Variants in SUMF1 observed in about 807,000 individuals in gnomAD.
The protein encoded by SUMF1 is sulfatase modifying factor 1.
Under a neutral mutation model 47.6 loss-of-function variants are expected in SUMF1, and 48 were observed. The observed-to-expected ratio is 1.01, with a 90% CI of 0.80 to 1.28. The LOEUF (loss-of-function observed/expected upper bound fraction) is 1.28. Ranked by LOEUF, SUMF1 falls within the 50% of genes most tolerant of loss-of-function variation. SUMF1 has a pLI of 0.00. For missense variants in SUMF1, 571 were observed against 485.4 expected (o/e 1.18, Z -1.66); for synonymous variants, 230 against 192.1 (o/e 1.20, Z -1.63).
intron 3 of SUMF1, among the ~76,000 whole-genome samples, chr3:4,437,920 C>T (rs1559299629): frequency 1.3e-5 from 2 of 151,832 alleles, no homozygotes; most frequent in Admixed American, 6.6e-5. Context: ...GCCTGGGCAA[C>T]AGGGCAAGAC....
At chr3:4,107,555 C>G (rs1034620993) in intron 8 of SUMF1, among the ~76,000 whole-genome samples, 1 of 152,130 alleles carries the variant, frequency 6.6e-6, no homozygotes, top group African/African-American at 2.4e-5. Context: ...AAAGGACTCT[C>G]TTCGTTGTAA....
At chr3:4,191,989 T>G (rs1288261707) in intron 8 of SUMF1, among the ~76,000 whole-genome samples, 1 of 151,842 alleles carries the variant, frequency 6.6e-6, no homozygotes, top group Non-Finnish European at 1.5e-5. Flanking sequence ...AGAGAGGAGG[T>G]GATGTTTAGC....
rs188573691 is a variant in SUMF1 at position 4,146,263 on chromosome 3, G to C, written c.1015-77518C>G. Among the ~76,000 whole-genome samples, 174 of 152,182 alleles carry C rather than the reference G, an allele frequency of 1.1e-3. 1 individual carries two copies. Among genetic ancestry groups the C allele is most frequent in the African/African-American group, 3.7e-3 (154 of 41,494 alleles). On this transcript the variant is annotated intron_variant and NMD_transcript_variant, in intron 8 of 12. Transcript: ENST00000448413. ...GGGAAGGCAATGATTAAAACGTGCAGAAATGAAGGGAGATGGTAAGAACAG... is the reference window on the plus strand; with the variant it reads ...GGGAAGGCAATGATTAAAACGTGCACAAATGAAGGGAGATGGTAAGAACAG...
At chr3:4,409,916 T>C (rs966210810) in intron 7 of SUMF1, among the ~76,000 whole-genome samples, 14 of 152,260 alleles carry the variant, frequency 9.2e-5, no homozygotes, top group African/African-American at 3.4e-4. Flanking sequence ...ATTTCTTCAA[T>C]TGCTCTGTAA....
chr3:4,256,593 A>G (rs1248859281), intron 8 of SUMF1, among the ~76,000 whole-genome samples: 2 of 149,426 alleles, frequency 1.3e-5, no homozygotes, highest in Admixed American at 6.7e-5. Flanking sequence ...GAATAGACCA[A>G]TAACAGGAGC....
downstream of SUMF1, among the ~76,000 whole-genome samples, chr3:4,359,880 G>C (rs35830511): frequency 6.6e-6 from 1 of 151,954 alleles, no homozygotes; most frequent in Admixed American, 6.6e-5. Context: ...GGCCTCAAAC[G>C]ATCCTCTCGC....
chr3:4,275,684 A>G (rs1434231472), intron 8 of SUMF1, among the ~76,000 whole-genome samples: 1 of 152,184 alleles, frequency 6.6e-6, no homozygotes, highest in Non-Finnish European at 1.5e-5. Context: ...AGCTCTGGGG[A>G]GAAGAGATGG....
At chr3:4,251,281 C>A (rs1397502129) in intron 8 of SUMF1, among the ~76,000 whole-genome samples, 1 of 152,134 alleles carries the variant, frequency 6.6e-6, no homozygotes, top group African/African-American at 2.4e-5. Flanking sequence ...AGAAGTGGAG[C>A]CTGAATTGCT....
Position 4,457,096 on chromosome 3 carries a change from T to TA in SUMF1, c.271-4048_271-4047insT, listed in dbSNP as rs1559313499. 1.7e-4 allele frequency among the ~76,000 whole-genome samples: 21 copies of TA among 120,826 alleles called. 1 individual carries two copies. The highest frequency in any genetic ancestry group is 6.0e-4 in the African/African-American group (20 of 33,556). 79.3% of individuals were successfully genotyped at this position (120,826 alleles called of 152,430 possible). Reference sequence around the variant, plus strand: ...TATACGTGTGTGTATATATATATATTTTTTTTGTTTTGTTTTGTTTTTTTT... The same window carrying TA: ...TATACGTGTGTGTATATATATATATTATTTTTTGTTTTGTTTTGTTTTTTTT... On this transcript the variant is annotated intron_variant, in intron 1 of 8. Coordinates refer to ENST00000272902, the MANE Select transcript of SUMF1 (RefSeq NM_182760.4).
intron 8 of SUMF1, among the ~76,000 whole-genome samples, chr3:4,235,557 T>C (rs1575004576): frequency 6.6e-6 from 1 of 152,210 alleles, no homozygotes; most frequent in East Asian, 1.9e-4. Context: ...ACGCAAGTGC[T>C]AAAAATTATA....
chr3:4,227,252 T>C (rs539953069), intron 8 of SUMF1, among the ~76,000 whole-genome samples: 3 of 152,280 alleles, frequency 2.0e-5, no homozygotes, highest in African/African-American at 7.2e-5. Context: ...CACACATGAT[T>C]ACCAAGCTCC....
intron 8 of SUMF1, among the ~76,000 whole-genome samples, chr3:4,328,058 A>AG (rs1698980135): frequency 6.6e-6 from 1 of 152,082 alleles, no homozygotes; most frequent in African/African-American, 2.4e-5. Context: ...TGTACAAAAA[A>AG]AAATTAAAAA....
chr3:4,158,200 A>C (rs990994694), intron 8 of SUMF1, among the ~76,000 whole-genome samples: 1 of 151,676 alleles, frequency 6.6e-6, no homozygotes, highest in African/African-American at 2.4e-5. Context: ...ATAAAATACA[A>C]GGCAGTATGC....
chr3:4,197,265 C>G (rs1695448881), intron 8 of SUMF1, among the ~76,000 whole-genome samples: 1 of 152,096 alleles, frequency 6.6e-6, no homozygotes, highest in Admixed American at 6.6e-5. Flanking sequence ...CAAATGCACG[C>G]CACCATGCCT....
intron 9 of SUMF1, among the ~76,000 whole-genome samples, chr3:4,050,747 T>TAAAAA (rs1695093839): frequency 2.7e-5 from 1 of 36,672 alleles, no homozygotes; most frequent in African/African-American, 2.1e-4. Context: ...AGACCCTGTC[T>TAAAAA]CAAAAAAAAA....
chr3:4,330,479 C>T (rs376252285), intron 8 of SUMF1, among the ~76,000 whole-genome samples: 19 of 152,302 alleles, frequency 1.2e-4, no homozygotes, highest in African/African-American at 4.6e-4. Context: ...AGAGCTTGTG[C>T]AGGGGAACTC....
chr3:4,095,638 A>T (rs1312561486), intron 8 of SUMF1, among the ~76,000 whole-genome samples: 1 of 152,132 alleles, frequency 6.6e-6, no homozygotes, highest in Non-Finnish European at 1.5e-5. Context: ...TGTTACACCA[A>T]CTACCATAAG....
intron 3 of SUMF1, among the ~76,000 whole-genome samples, chr3:4,433,171 A>G (rs1391067557): frequency 6.6e-6 from 1 of 152,238 alleles, no homozygotes; most frequent in Non-Finnish European, 1.5e-5. Flanking sequence ...CCGACGATAC[A>G]GAGTCCAATA....
chr3:4,386,486 G>A (rs970438406), intron 7 of SUMF1, among the ~76,000 whole-genome samples: 2 of 152,100 alleles, frequency 1.3e-5, no homozygotes, highest in African/African-American at 4.8e-5. Context: ...TTAGTTTTAA[G>A]AAGATTTTGG....
Sources: gnomAD v4.1 joint callset for allele counts (sites outside exome capture counted in the v4.1 genomes callset) on GRCh38, gnomAD v4.1.1 for gene constraint, MANE v1.5 for transcripts, NCBI Gene and HGNC (gene_info 2026-07-23, HGNC 2026-07-21) for gene names.